TMEM117: variants seen among roughly 807,000 people sequenced by gnomAD.
The protein encoded by TMEM117 is transmembrane protein 117.
In TMEM117, 27 loss-of-function variants were observed where a neutral mutation model predicts 52.4. The ratio of observed to expected loss-of-function variants is 0.51; its 90% confidence interval spans 0.38 to 0.71. The LOEUF is 0.71. Among genes scored for constraint, TMEM117 ranks in the 30% least tolerant of loss-of-function variants. The pLI, the probability that TMEM117 is intolerant of heterozygous loss-of-function variation, is 0.00. For missense variants in TMEM117, 556 were observed against 630.5 expected (o/e 0.88, Z 1.26); for synonymous variants, 215 against 206.3 (o/e 1.04, Z -0.36).
chr12:43,947,278 T>G (rs1352298766), intron 3 of TMEM117, among the ~76,000 whole-genome samples: 1 of 152,144 alleles, frequency 6.6e-6, no homozygotes, highest in Non-Finnish European at 1.5e-5. Flanking sequence ...AAGGTTACAG[T>G]GAGTTATGAT....
rs575740215 is a variant in TMEM117, at chr12:44,316,907, AT to A, written c.768+17173del. Among the ~76,000 whole-genome samples, 7 of 150,416 alleles carry A rather than the reference AT, an allele frequency of 4.7e-5. No homozygotes were observed. In the South Asian group the frequency reaches 1.3e-3, roughly 27 times the overall value. On this transcript the variant is annotated intron_variant, in intron 6 of 7. Coordinates refer to ENST00000266534, the MANE Select transcript of TMEM117 (RefSeq NM_032256.3). ...TTGTATTTTGAAATTCTTTAATTGA[AT>A]TTTTCAATCCTGGAAGCTCTGACTG...
the TMEM117 span, chr12:43,806,471 C>T: frequency 1.1e-6 from 1 of 924,070 alleles, no homozygotes; most frequent in Non-Finnish European, 1.3e-6. Flanking sequence ...TATCCTAGTT[C>T]TCTGCTTGGG....
intron 4 of TMEM117, among the ~76,000 whole-genome samples, chr12:44,180,155 C>T (rs1949171939): frequency 6.6e-6 from 1 of 152,084 alleles, no homozygotes. Context: ...AGCCAGTTCC[C>T]AGTGTTAACA....
chr12:43,859,998 T>C (rs1337912005), intron 2 of TMEM117, among the ~76,000 whole-genome samples: 1 of 152,212 alleles, frequency 6.6e-6, no homozygotes, highest in African/African-American at 2.4e-5. Context: ...GATACTAAGC[T>C]ATGAAGGTGT....
At position 43,867,841 on chromosome 12, in the gene TMEM117, CCTTCT is replaced by C. The variant is rs1442238386; in HGVS notation, c.277+22917_277+22921del. 4.6e-5 allele frequency among the ~76,000 whole-genome samples: 7 copies of C among 152,176 alleles called. 1 individual carries two copies. The South Asian group carries it at 1.5e-3, about 32-fold the overall frequency. On this transcript the variant is annotated intron_variant, in intron 2 of 7. Coordinates refer to ENST00000266534, the MANE Select transcript of TMEM117 (RefSeq NM_032256.3). ...TAATCGTAGGTAGATAATTTATTGT[CCTTCT>C]CTTACTAATTGACAGAATTAGCTAT... is the stretch of plus-strand genomic sequence containing the variant.
intron 3 of TMEM117, among the ~76,000 whole-genome samples, chr12:43,946,398 TG>T (rs60284300): frequency 0.074 from 9,199 of 123,884 alleles, 568 homozygotes; most frequent in African/African-American, 0.22. Flanking sequence ...TTTTTTTGTT[TG>T]TTTTTTTATC....
chr12:43,996,555 A>T (rs1250235765), intron 3 of TMEM117, among the ~76,000 whole-genome samples: 1 of 152,040 alleles, frequency 6.6e-6, no homozygotes, highest in Non-Finnish European at 1.5e-5. Flanking sequence ...AGGCAGGAGA[A>T]TGGCGTGAAC....
chr12:44,329,791 C>T (rs949938300), intron 6 of TMEM117, among the ~76,000 whole-genome samples: 22 of 152,080 alleles, frequency 1.4e-4, no homozygotes, highest in African/African-American at 5.3e-4. Context: ...GCTTACTTCA[C>T]TTAGCATATG....
intron 5 of TMEM117, among the ~76,000 whole-genome samples, chr12:44,229,044 T>C (rs1212680656): frequency 1.3e-5 from 2 of 151,926 alleles, no homozygotes; most frequent in Non-Finnish European, 2.9e-5. Flanking sequence ...GTACATAGAT[T>C]TGGAACATGT....
intron 4 of TMEM117, among the ~76,000 whole-genome samples, chr12:44,156,781 G>A (rs1948831209): frequency 6.6e-6 from 1 of 152,038 alleles, no homozygotes; most frequent in Non-Finnish European, 1.5e-5. Flanking sequence ...TGGATATGAA[G>A]AGGGTTGGCT....
At chr12:44,186,335 C>T (rs902411703) in intron 4 of TMEM117, among the ~76,000 whole-genome samples, 7 of 152,142 alleles carry the variant, frequency 4.6e-5, no homozygotes, top group South Asian at 2.1e-4. Flanking sequence ...TCCAGAAAGC[C>T]AGGGTTGGCA....
chr12:44,299,816 G>C (rs1171520579), intron 6 of TMEM117, 77 bp downstream of exon 6: 4 of 1,522,798 alleles, frequency 2.6e-6, no homozygotes, highest in Admixed American at 1.9e-5. Context: ...ATGGCAACAG[G>C]CTCCATAAAT....
chr12:43,935,070 T>C (rs1459182944), intron 2 of TMEM117, among the ~76,000 whole-genome samples: 1 of 152,292 alleles, frequency 6.6e-6, no homozygotes, highest in East Asian at 1.9e-4. Context: ...TGCAGTGGCA[T>C]GATCATGGCT....
chr12:43,940,852 ATACTT>A (rs1432018256), intron 2 of TMEM117, among the ~76,000 whole-genome samples: 6 of 152,130 alleles, frequency 3.9e-5, no homozygotes, highest in African/African-American at 9.7e-5. Flanking sequence ...CCCATAATAT[ATACTT>A]TTAAATATGC....
At chr12:43,969,103 T>C (rs1945533565) in intron 3 of TMEM117, among the ~76,000 whole-genome samples, 1 of 151,946 alleles carries the variant, frequency 6.6e-6, no homozygotes, top group African/African-American at 2.4e-5. Flanking sequence ...AGAAATATCT[T>C]TTTACTTTAC....
chr12:43,806,309 C>A, the TMEM117 span: 1 of 1,417,162 alleles, frequency 7.1e-7, no homozygotes, highest in Non-Finnish European at 9.2e-7. Flanking sequence ...CCGGCGGCCC[C>A]AGGAAGTGGC....
chr12:44,267,512 A>G (rs1229795962), intron 5 of TMEM117, among the ~76,000 whole-genome samples: 1 of 152,162 alleles, frequency 6.6e-6, no homozygotes, highest in Non-Finnish European at 1.5e-5. Context: ...TTTCTTTATT[A>G]TTATTTGTAT....
At chr12:44,099,600 A>T (rs1947828845) in intron 3 of TMEM117, among the ~76,000 whole-genome samples, 1 of 152,056 alleles carries the variant, frequency 6.6e-6, no homozygotes. Flanking sequence ...AACCTGATAT[A>T]ATAAAGTGAT....
rs373449029 is a variant in TMEM117, at chr12:44,067,504, TCTC to T, written c.411-76018_411-76016del. On this transcript the variant is annotated intron_variant, in intron 3 of 7. Transcript: ENST00000266534. Reference sequence around the variant, plus strand: ...GATGCTATGTTGATAGGCATGAAAATCTCCTTGTACATCTCCCTCAGAGCTCTT... The same window carrying T: ...GATGCTATGTTGATAGGCATGAAAATCTTGTACATCTCCCTCAGAGCTCTT... Among the ~76,000 whole-genome samples the T allele has an allele frequency of 6.9e-4, 105 of 152,258 alleles. 1 individual carries two copies. In the East Asian group the frequency reaches 0.014, roughly 20 times the overall value.
Sources: allele counts gnomAD v4.1 joint callset (sites outside exome capture counted in the v4.1 genomes callset), GRCh38; gene constraint gnomAD v4.1.1; transcripts MANE v1.5; gene names NCBI Gene and HGNC (gene_info 2026-07-23, HGNC 2026-07-21).